Variants in PCDHGB1 observed in about 807,000 individuals in gnomAD.
The protein encoded by PCDHGB1 is protocadherin gamma-B1.
Under a neutral mutation model 56.6 loss-of-function variants are expected in PCDHGB1, and 34 were observed. That is an observed-to-expected ratio of 0.60 (90% CI 0.46 to 0.80). The LOEUF (loss-of-function observed/expected upper bound fraction) is 0.80. Among genes scored for constraint, PCDHGB1 ranks in the 30% least tolerant of loss-of-function variants. PCDHGB1 has a pLI of 0.00. For synonymous variants in PCDHGB1, 561 were observed against 505.9 expected (o/e 1.11, Z -1.46); for missense variants, 1,278 against 1,204.6 (o/e 1.06, Z -0.90).
At chr5:141,494,758 T>A (rs370692038) in intron 1 of PCDHGB1, 49 bp from the exon 2 acceptor site, 2 of 1,613,800 alleles carry the variant, frequency 1.2e-6, no homozygotes, top group Admixed American at 3.3e-5. Context: ...CGGGTGACAT[T>A]CTAACTTCTC....
At chr5:141,420,420 CAA>C (rs1462714732) in intron 1 of PCDHGB1, 2 of 1,201,950 alleles carry the variant, frequency 1.7e-6, no homozygotes, top group African/African-American at 3.2e-5. Context: ...ATTATTAAAA[CAA>C]AAGTTTAAAT....
intron 1 of PCDHGB1, chr5:141,442,197 A>G (rs1267971703): frequency 1.3e-5 from 2 of 153,426 alleles, no homozygotes; most frequent in African/African-American, 4.8e-5. Context: ...ATTAATTTAT[A>G]TCTGGTGATT....
At chr5:141,502,008 C>T (rs753492460) in intron 2 of PCDHGB1, among the ~76,000 whole-genome samples, 6 of 152,086 alleles carry the variant, frequency 3.9e-5, no homozygotes, top group Non-Finnish European at 8.8e-5. Context: ...AACCCGCATG[C>T]TCTCCTCCCT....
rs778960850 is a variant in PCDHGB1, at chr5:141,389,261, G to A, written c.2409+36592G>A. 2.0e-5 allele frequency: 32 copies of A among 1,613,890 alleles called. No homozygotes were observed. The East Asian group carries it at 7.1e-4, about 36-fold the overall frequency. ...CACAGTCTTCCTATATAGTCCACGT[G>A]GCCGAGAACAACCCGCCTGGAGCCT... On this transcript the variant is annotated intron_variant, in intron 1 of 3. Coordinates refer to ENST00000523390, the MANE Select transcript of PCDHGB1 (RefSeq NM_018922.3).
In PCDHGB1 at chr5:141,350,596, T is replaced by C; in HGVS notation, c.336T>C (p.Asn112=). Residue 112 remains asparagine (N), a synonymous_variant, in exon 1 of 4, where the codon AAT becomes AAC. Transcript: ENST00000523390. ...AAACGGTCGCTGAAAACCCAATGAA[T>C]GTTTTCCACGTGGTTGTTGTAATCC... The part of the protein sequence containing the change: ...EFETVAENPM[N]VFHVVVVIQD... 1 of 1,614,020 alleles carries C rather than the reference T, an allele frequency of 6.2e-7. No homozygotes were observed. The highest frequency in any genetic ancestry group is 8.5e-7 in the Non-Finnish European group (1 of 1,179,896).
intron 1 of PCDHGB1, among the ~76,000 whole-genome samples, chr5:141,458,436 C>T (rs2098945707): frequency 6.6e-6 from 1 of 152,056 alleles, no homozygotes; most frequent in Non-Finnish European, 1.5e-5. Context: ...AAGAGGAGGT[C>T]CCCCACATTA....
intron 1 of PCDHGB1, chr5:141,388,437 A>C: frequency 6.2e-7 from 1 of 1,613,892 alleles, no homozygotes; most frequent in Non-Finnish European, 8.5e-7. Context: ...AAATAAAGAG[A>C]AATCAGATGG....
At position 141,511,256 on chromosome 5, in the gene PCDHGB1, T is replaced by C. The variant is rs1003866304; in HGVS notation, c.*83T>C. On this transcript the variant is annotated 3_prime_UTR_variant, in exon 4 of 4. Transcript: ENST00000523390. ...CTTACCTGCACCCAGGCCTCAGAGT[T>C]TCAGGGCTAACCCCCAGAATACTGG... The C allele has an allele frequency of 1.9e-6, 3 of 1,563,388 alleles. No homozygotes were observed. The highest frequency in any genetic ancestry group is 2.7e-5 in the African/African-American group (2 of 73,508).
At chr5:141,365,909 G>A in intron 1 of PCDHGB1, 1 of 1,614,190 alleles carries the variant, frequency 6.2e-7, no homozygotes. Flanking sequence ...GCAGTTGAGA[G>A]ACCTACAGTT....
chr5:141,364,955 G>A (rs267600453), intron 1 of PCDHGB1: 10 of 1,613,790 alleles, frequency 6.2e-6, no homozygotes, highest in South Asian at 5.5e-5. Flanking sequence ...GACTGTTCAC[G>A]ACCTCCTCCT....
At chr5:141,421,252 G>A in intron 1 of PCDHGB1, 1 of 1,607,158 alleles carries the variant, frequency 6.2e-7, no homozygotes, top group Non-Finnish European at 8.5e-7. Context: ...ACAGCGCGGG[G>A]ACCGCAGTCG....
intron 1 of PCDHGB1, among the ~76,000 whole-genome samples, chr5:141,454,626 G>A (rs1206050863): frequency 6.6e-6 from 1 of 151,304 alleles, no homozygotes; most frequent in African/African-American, 2.4e-5. Flanking sequence ...GGCTGGTCTC[G>A]AACCCCCAAC....
intron 1 of PCDHGB1, chr5:141,384,126 C>G: frequency 1.2e-6 from 2 of 1,610,938 alleles, no homozygotes; most frequent in Non-Finnish European, 1.7e-6. Context: ...CAACCAAAAA[C>G]TTGGACCGGG....
Position 141,364,123 on chromosome 5 carries a change from C to T in PCDHGB1, c.2409+11454C>T, listed in dbSNP as rs1763177434. ...AGTCACTGGTTAGGACTCTGAGTGT[C>T]GCTGTTGACCAAAGTGGGAAAGAAG... is the stretch of plus-strand genomic sequence containing the variant. On this transcript the variant is annotated intron_variant, in intron 1 of 3. Coordinates refer to ENST00000523390, the MANE Select transcript of PCDHGB1 (RefSeq NM_018922.3). 3 of 460,466 alleles carry T rather than the reference C, an allele frequency of 6.5e-6. No individual in the cohort carries two copies. The Admixed American group carries it at 1.1e-4, about 18-fold the overall frequency. The allele number at this position is 460,466 out of a possible 1,614,324, so 28.5% of individuals were successfully genotyped here. A position where few individuals can be genotyped will look rare whatever the true frequency, so the allele number is the denominator to read the frequency against.
chr5:141,414,684 A>G (rs747750994), intron 1 of PCDHGB1: 6 of 1,613,806 alleles, frequency 3.7e-6, no homozygotes, highest in Non-Finnish European at 5.1e-6. Flanking sequence ...TCCAGGGGGT[A>G]CCTCTGTCCT....
At chr5:141,390,370 A>G (rs1252386186) in intron 1 of PCDHGB1, 7 of 1,504,066 alleles carry the variant, frequency 4.7e-6, no homozygotes, top group African/African-American at 4.2e-5. Context: ...AGGAAAATAT[A>G]TAATTTTTAG....
In PCDHGB1 at chr5:141,477,101, G is replaced by A. The variant is rs770640663; in HGVS notation, c.2410-17706G>A. On this transcript the variant is annotated intron_variant, in intron 1 of 3. Transcript: ENST00000523390. The surrounding 1 kb of genome is among the most constrained non-coding windows in gnomAD (Gnocchi z 4.9). ...TTACATCCAGGCCAAAGACAAGGGC[G>A]CCAATCCCGAAGGAGCACATTGCAA... 2 of 1,614,262 alleles carry A rather than the reference G, an allele frequency of 1.2e-6. No individual in the cohort carries two copies. Among genetic ancestry groups the A allele is most frequent in the East Asian group, 2.2e-5 (1 of 44,884 alleles).
chr5:141,420,857 C>T (rs1342820721), intron 1 of PCDHGB1, among the ~76,000 whole-genome samples: 1 of 152,220 alleles, frequency 6.6e-6, no homozygotes, highest in Non-Finnish European at 1.5e-5. Context: ...AAAGTTTTAA[C>T]GTCACATAAT....
intron 1 of PCDHGB1, chr5:141,418,165 T>G (rs1296752918): frequency 6.2e-7 from 1 of 1,614,034 alleles, no homozygotes. Flanking sequence ...GAAGAAGATG[T>G]GAGTTGCAAT....
Sources: gnomAD v4.1 joint callset for allele counts (sites outside exome capture counted in the v4.1 genomes callset) on GRCh38, gnomAD v4.1.1 for gene constraint, Gnocchi (gnomAD v3.1) non-coding constraint, MANE v1.5 for transcripts, NCBI Gene and HGNC (gene_info 2026-07-23, HGNC 2026-07-21) for gene names.